Variants in MYO1E observed in about 807,000 individuals in gnomAD.
The protein encoded by MYO1E is myosin IE, also known as unconventional myosin-Ie.
Under a neutral mutation model 151.1 loss-of-function variants are expected in MYO1E, and 68 were observed. That is an observed-to-expected ratio of 0.45 (90% CI 0.37 to 0.55). The LOEUF is 0.55. Ranked by LOEUF, MYO1E falls within the 20% of genes least tolerant of loss-of-function variation. MYO1E has a pLI of 0.00. For synonymous variants in MYO1E, 601 were observed against 501.7 expected (o/e 1.20, Z -2.64); for missense variants, 1,363 against 1,389.3 (o/e 0.98, Z 0.30).
chr15:59,193,699 G>A (rs559438536), intron 17 of MYO1E, among the ~76,000 whole-genome samples: 23 of 152,124 alleles, frequency 1.5e-4, no homozygotes, highest in Non-Finnish European at 2.6e-4. Context: ...GAAAACCTGG[G>A]ATTAGGATAA....
intron 18 of MYO1E, among the ~76,000 whole-genome samples, chr15:59,185,231 G>A (rs2079688545): frequency 6.6e-6 from 1 of 151,916 alleles, no homozygotes; most frequent in Non-Finnish European, 1.5e-5. Context: ...CCCATTTTGT[G>A]GGTTGTCTCT....
At chr15:59,261,633 TC>T in intron 2 of MYO1E, 124 bp from the exon 3 acceptor site, 1 of 696,006 alleles carries the variant, frequency 1.4e-6, no homozygotes. Flanking sequence ...GTACTTGTTT[TC>T]TAAAAGATTA....
chr15:59,132,977 C>G lies in MYO1E; in HGVS notation c.*4403G>C, dbSNP rs896941775. 1.3e-5 allele frequency: 2 copies of G among 152,212 alleles called. No homozygotes were observed. The highest frequency in any genetic ancestry group is 4.8e-5 in the African/African-American group (2 of 41,446). 9.4% of individuals were successfully genotyped at this position (152,212 alleles called of 1,614,324 possible). A position where few individuals can be genotyped will look rare whatever the true frequency, so the allele number is the denominator to read the frequency against. The stretch of plus-strand genomic sequence containing the variant: ...TTTATGCGTGAGTTTTCTTCTCTCT[C>G]TCTTTTTAAATAGACTTTTATGTTC... On this transcript the variant is annotated 3_prime_UTR_variant, in exon 28 of 28. Coordinates refer to ENST00000288235, the MANE Select transcript of MYO1E (RefSeq NM_004998.4).
chr15:59,247,539 G>T (rs2080137599), intron 4 of MYO1E, among the ~76,000 whole-genome samples: 2 of 152,190 alleles, frequency 1.3e-5, no homozygotes, highest in Non-Finnish European at 2.9e-5. Flanking sequence ...AGGATTAAGA[G>T]ACAACCTATA....
intron 24 of MYO1E, among the ~76,000 whole-genome samples, 191 bp downstream of exon 24, chr15:59,160,882 C>T (rs1481353779): frequency 6.6e-6 from 1 of 152,064 alleles, no homozygotes; most frequent in African/African-American, 2.4e-5. Flanking sequence ...CCCTCAGAAA[C>T]TTTTAACCTG....
chr15:59,264,018 TA>T (rs1286677039), intron 2 of MYO1E, among the ~76,000 whole-genome samples: 5 of 152,166 alleles, frequency 3.3e-5, no homozygotes, highest in African/African-American at 7.2e-5. Flanking sequence ...TAGCACCAAA[TA>T]ACAACCTATT....
intron 23 of MYO1E, among the ~76,000 whole-genome samples, chr15:59,161,949 C>T (rs1225167792): frequency 7.9e-5 from 12 of 152,096 alleles, no homozygotes; most frequent in African/African-American, 2.9e-4. Context: ...GATATAAAGG[C>T]TTTGTCTTGG....
At position 59,350,684 on chromosome 15, in the gene MYO1E, C is replaced by T. The variant is rs1322405509; in HGVS notation, c.3+21814G>A. ...AAATATAAAGAAATGTAAATTATCT[C>T]TGATCTCAAGAGGCTTACAGTCTAC... On this transcript the variant is annotated intron_variant, in intron 1 of 27. Coordinates refer to ENST00000288235, the MANE Select transcript of MYO1E (RefSeq NM_004998.4). This position sits in a 1 kb window ranked among gnomAD's most constrained non-coding sequence, Gnocchi z 5.0. 1.3e-5 allele frequency among the ~76,000 whole-genome samples: 2 copies of T among 152,158 alleles called. No homozygotes were observed. The highest frequency in any genetic ancestry group is 4.8e-5 in the African/African-American group (2 of 41,428).
At chr15:59,141,958 T>C (rs749056869) in intron 26 of MYO1E, among the ~76,000 whole-genome samples, 1 of 147,036 alleles carries the variant, frequency 6.8e-6, no homozygotes, top group Non-Finnish European at 1.5e-5. Context: ...ATACAAAAAA[T>C]TAGCCGGGCG....
At chr15:59,208,878 T>A in intron 13 of MYO1E, 30 bp from the exon 14 acceptor site, 3 of 1,613,390 alleles carry the variant, frequency 1.9e-6, no homozygotes, top group Non-Finnish European at 2.5e-6. Flanking sequence ...AAGGCCCTAG[T>A]CACTGACCTC....
intron 2 of MYO1E, among the ~76,000 whole-genome samples, chr15:59,267,111 C>T (rs1170687254): frequency 2.7e-5 from 4 of 148,506 alleles, no homozygotes; most frequent in African/African-American, 5.0e-5. Flanking sequence ...CTGCAACCTC[C>T]GCCTCCCGGG....
chr15:59,361,457 C>T (rs1256539631), intron 1 of MYO1E, among the ~76,000 whole-genome samples: 1 of 152,084 alleles, frequency 6.6e-6, no homozygotes, highest in Non-Finnish European at 1.5e-5. Context: ...TGTCAACTGT[C>T]ATTGAAATAA....
intron 3 of MYO1E, among the ~76,000 whole-genome samples, chr15:59,258,612 T>G (rs115680008): frequency 0.011 from 1,629 of 152,322 alleles, 34 homozygotes; most frequent in African/African-American, 0.037. Flanking sequence ...CAGCACTTTC[T>G]GAGGCAAGGC....
chr15:59,186,152 A>T (rs76998026), intron 18 of MYO1E, among the ~76,000 whole-genome samples: 7,269 of 152,294 alleles, frequency 0.048, 189 homozygotes, highest in African/African-American at 0.07. Flanking sequence ...TTCAGAGAAC[A>T]AAGAGGGTAA....
rs148263160 is a variant in MYO1E at position 59,326,812 on chromosome 15, A to G, written c.3+45686T>C. 8.5e-4 allele frequency among the ~76,000 whole-genome samples: 129 copies of G among 152,342 alleles called. 2 individuals carry two copies. In the East Asian group the frequency reaches 0.024, roughly 29 times the overall value. On this transcript the variant is annotated intron_variant, in intron 1 of 27. Coordinates refer to ENST00000288235, the MANE Select transcript of MYO1E (RefSeq NM_004998.4). ...AAATTCTTCCCTTTGTCAATATGGT[A>G]AAAAGGACATTGGAAACACAACTCG...
At chr15:59,239,989 T>C (rs1172333627) in intron 4 of MYO1E, among the ~76,000 whole-genome samples, 1 of 152,230 alleles carries the variant, frequency 6.6e-6, no homozygotes, top group Non-Finnish European at 1.5e-5. Flanking sequence ...AAATAATATA[T>C]CCCAAATTAT....
chr15:59,219,485 A>C (rs1332959861), intron 9 of MYO1E, among the ~76,000 whole-genome samples: 1 of 152,218 alleles, frequency 6.6e-6, no homozygotes, highest in African/African-American at 2.4e-5. Context: ...AATTTCACAG[A>C]TGGTGTTAGA....
intron 26 of MYO1E, among the ~76,000 whole-genome samples, chr15:59,142,920 CAAA>C (rs10717979): frequency 0.046 from 4,040 of 87,242 alleles, 138 homozygotes; most frequent in African/African-American, 0.15. Context: ...TAATTAGGTG[CAAA>C]AAAAAAAAAA....
At chr15:59,234,549 G>C (rs569390607) in intron 5 of MYO1E, among the ~76,000 whole-genome samples, 1 of 152,328 alleles carries the variant, frequency 6.6e-6, no homozygotes, top group South Asian at 2.1e-4. Flanking sequence ...GCCAGACATG[G>C]TGGCTCATGC....
Sources: gnomAD v4.1 joint callset for allele counts (sites outside exome capture counted in the v4.1 genomes callset) on GRCh38, gnomAD v4.1.1 for gene constraint, Gnocchi (gnomAD v3.1) non-coding constraint, MANE v1.5 for transcripts, NCBI Gene and HGNC (gene_info 2026-07-23, HGNC 2026-07-21) for gene names.